SMIM3: variants seen among roughly 807,000 people sequenced by gnomAD.
SMIM3 encodes the protein NGF-induced differentiation clone 67 protein.
A neutral mutation model predicts 2.1 loss-of-function variants in SMIM3; 4 were observed. The observed-to-expected ratio is 1.89, with a 90% confidence interval of 0.93 to 4.31. The LOEUF is 4.31. Among genes scored for constraint, SMIM3 ranks in the 30% most tolerant of loss-of-function variants. The pLI, the probability that SMIM3 is intolerant of heterozygous loss-of-function variation, is 0.01. For synonymous variants in SMIM3, 29 were observed against 30.8 expected (o/e 0.94, Z 0.19); for missense variants, 79 against 77.7 (o/e 1.02, Z -0.06).
At chr5:150,782,622 C>A (rs903844303) in intron 1 of SMIM3, among the ~76,000 whole-genome samples, 1 of 152,072 alleles carries the variant, frequency 6.6e-6, no homozygotes. Flanking sequence ...GAAGAAAGAG[C>A]CCCCCATAAT....
At chr5:150,786,602 T>A (rs577401149) in intron 1 of SMIM3, among the ~76,000 whole-genome samples, 4 of 152,306 alleles carry the variant, frequency 2.6e-5, no homozygotes, top group South Asian at 2.1e-4. Flanking sequence ...TTGATTCTTT[T>A]AAAAAAATCT....
At chr5:150,780,664 C>T (rs999660406) in intron 1 of SMIM3, among the ~76,000 whole-genome samples, 1 of 152,110 alleles carries the variant, frequency 6.6e-6, no homozygotes, top group Non-Finnish European at 1.5e-5. Flanking sequence ...ATCCTGGGCC[C>T]TTGGGGGTGA....
chr5:150,784,723 T>C (rs1016053683), intron 1 of SMIM3, among the ~76,000 whole-genome samples: 1 of 152,228 alleles, frequency 6.6e-6, no homozygotes, highest in Non-Finnish European at 1.5e-5. Context: ...AAAATATATA[T>C]GTATGTGTAT....
In SMIM3 at chr5:150,783,395, C is replaced by T. The variant is rs543469271; in HGVS notation, c.-12+4423C>T. Among the ~76,000 whole-genome samples, 4 of 152,350 alleles carry T rather than the reference C, an allele frequency of 2.6e-5. No homozygotes were observed. In the East Asian group the frequency reaches 7.7e-4, roughly 29 times the overall value. On this transcript the variant is annotated intron_variant, in intron 1 of 1. Transcript: ENST00000526627. ...CTGGCAAACCCTCTAGTCCTGTGCC[C>T]TGGGAACCATCAGCCTTGTTCACAT...
At position 150,780,075 on chromosome 5, in the gene SMIM3, A is replaced by G. The variant is rs113020487; in HGVS notation, c.-12+1103A>G. ...ATCAGAGATTCCTTGAACATCTGCT[A>G]TGATGCGTGCTGCTACTGCAGTGGC... On this transcript the variant is annotated intron_variant, in intron 1 of 1. Coordinates refer to ENST00000526627, the MANE Select transcript of SMIM3 (RefSeq NM_032947.5). Among the ~76,000 whole-genome samples the G allele has an allele frequency of 1.9e-4, 29 of 152,280 alleles. No individual in the cohort carries two copies. The East Asian group carries it at 3.5e-3, about 18-fold the overall frequency.
In SMIM3 at chr5:150,778,870, G is replaced by C; in HGVS notation, c.-114G>C. 2.0e-6 allele frequency: 1 copy of C among 491,390 alleles called. No homozygotes were observed. The highest frequency in any genetic ancestry group is 1.5e-5 in the South Asian group (1 of 65,916). 30.4% of individuals were successfully genotyped at this position (491,390 alleles called of 1,614,324 possible). A position where few individuals can be genotyped will look rare whatever the true frequency, so the allele number is the denominator to read the frequency against. ...GCCTAGGGCTGAGGTTCCAGGCCTG[G>C]GGGTCGCTTCCAGCTGCCAGATCCC... On this transcript the variant is annotated 5_prime_UTR_variant, in exon 1 of 2. Transcript: ENST00000526627.
rs370147577 is a variant in SMIM3, at chr5:150,779,984, T to G, written c.-12+1012T>G. ...GGGGCTGAGGAGTCTCCGGTTCATC[T>G]GTGGTGAATACTAAGGTCCTCAAAG... On this transcript the variant is annotated intron_variant, in intron 1 of 1. Coordinates refer to ENST00000526627, the MANE Select transcript of SMIM3 (RefSeq NM_032947.5). Among the ~76,000 whole-genome samples the G allele has an allele frequency of 1.1e-4, 16 of 152,262 alleles. No individual in the cohort carries two copies. The East Asian group carries it at 2.3e-3, about 22-fold the overall frequency.
rs543426516 is a variant in SMIM3 at position 150,780,469 on chromosome 5, G to A, written c.-12+1497G>A. On this transcript the variant is annotated intron_variant, in intron 1 of 1. Coordinates refer to ENST00000526627, the MANE Select transcript of SMIM3 (RefSeq NM_032947.5). ...CTGTCCTGGGACTGTGAATCATGCT[G>A]TGGGGGTTACAAGTCATGCTTCATG... Among the ~76,000 whole-genome samples, 9 of 152,320 alleles carry A rather than the reference G, an allele frequency of 5.9e-5. No individual in the cohort carries two copies. In the South Asian group the frequency reaches 1.0e-3, roughly 18 times the overall value.
intron 1 of SMIM3, among the ~76,000 whole-genome samples, chr5:150,787,963 A>G (rs1399155005): frequency 6.6e-6 from 1 of 152,164 alleles, no homozygotes; most frequent in Non-Finnish European, 1.5e-5. Context: ...ATGAATGAAT[A>G]TCCTGGACAG....
chr5:150,791,193 C>G (rs998500180), intron 1 of SMIM3, among the ~76,000 whole-genome samples: 4 of 152,166 alleles, frequency 2.6e-5, no homozygotes, highest in African/African-American at 9.7e-5. Flanking sequence ...GCCTATTTCC[C>G]TACTTAATTC....
chr5:150,788,410 G>A (rs770159191), intron 1 of SMIM3, among the ~76,000 whole-genome samples: 44 of 151,872 alleles, frequency 2.9e-4, no homozygotes, highest in Admixed American at 1.1e-3. Flanking sequence ...TGAGGTGGGC[G>A]GATCACTTGA....
chr5:150,779,129 G>C (rs908669355), intron 1 of SMIM3, among the ~76,000 whole-genome samples, 157 bp downstream of exon 1: 1 of 152,084 alleles, frequency 6.6e-6, no homozygotes, highest in African/African-American at 2.4e-5. Context: ...CATCACTTTT[G>C]TATTTCTTGC....
intron 1 of SMIM3, among the ~76,000 whole-genome samples, chr5:150,789,738 C>T (rs184578373): frequency 6.2e-4 from 94 of 152,252 alleles, no homozygotes; most frequent in African/African-American, 2.2e-3. Flanking sequence ...ACTTTAATTT[C>T]GTAACATGCA....
chr5:150,788,736 C>G (rs1381555805), intron 1 of SMIM3, among the ~76,000 whole-genome samples: 2 of 151,754 alleles, frequency 1.3e-5, no homozygotes, highest in Non-Finnish European at 2.9e-5. Flanking sequence ...TTAGTGGACA[C>G]AAAATAGTCA....
intron 1 of SMIM3, among the ~76,000 whole-genome samples, chr5:150,790,042 T>C (rs1318511031): frequency 6.6e-6 from 1 of 152,190 alleles, no homozygotes; most frequent in Non-Finnish European, 1.5e-5. Flanking sequence ...ATCTACTTGT[T>C]CTGTTTTGTT....
chr5:150,794,370 A>G (rs1202858880), intron 1 of SMIM3, among the ~76,000 whole-genome samples: 3 of 152,208 alleles, frequency 2.0e-5, no homozygotes, highest in Admixed American at 6.5e-5. Flanking sequence ...TTGCACATAC[A>G]TGTTTATAGC....
At chr5:150,791,060 T>C (rs1753344411) in intron 1 of SMIM3, among the ~76,000 whole-genome samples, 1 of 152,146 alleles carries the variant, frequency 6.6e-6, no homozygotes, top group Non-Finnish European at 1.5e-5. Context: ...CATAAAATCA[T>C]GTTTTATGAA....
intron 1 of SMIM3, among the ~76,000 whole-genome samples, chr5:150,782,640 G>C (rs933670873): frequency 9.9e-5 from 15 of 152,158 alleles, no homozygotes; most frequent in Admixed American, 4.6e-4. Flanking sequence ...AATCCTTCCT[G>C]AATGTACAAA....
chr5:150,783,169 G>A (rs975688194), intron 1 of SMIM3, among the ~76,000 whole-genome samples: 2 of 152,214 alleles, frequency 1.3e-5, no homozygotes, highest in African/African-American at 2.4e-5. Flanking sequence ...AGAAGGAACA[G>A]CAAACACAAA....
Sources: gnomAD v4.1 joint callset for allele counts (sites outside exome capture counted in the v4.1 genomes callset) on GRCh38, gnomAD v4.1.1 for gene constraint, MANE v1.5 for transcripts, NCBI Gene and HGNC (gene_info 2026-07-23, HGNC 2026-07-21) for gene names.